IGF2BP2: variants seen among roughly 807,000 people sequenced by gnomAD.
IGF2BP2 encodes the protein insulin like growth factor 2 mRNA binding protein 2.
A neutral mutation model predicts 75.8 loss-of-function variants in IGF2BP2; 17 were observed. The observed-to-expected ratio is 0.22, with a 90% CI of 0.15 to 0.34. The LOEUF is 0.34. IGF2BP2 is among the 10% of genes least tolerant of loss of function. The probability of loss-of-function intolerance (pLI) is 1.00; values close to 1 mark genes in which losing one functional copy is unlikely to be tolerated. For missense variants in IGF2BP2, 516 were observed against 772.4 expected (o/e 0.67, Z 3.93); for synonymous variants, 288 against 295.6 (o/e 0.97, Z 0.26).
chr3:185,649,379 G>A, intron 14 of IGF2BP2, 24 bp downstream of exon 14: 2 of 1,611,006 alleles, frequency 1.2e-6, no homozygotes, highest in Admixed American at 1.7e-5. Context: ...CCCAGGTGAT[G>A]AAGCGAGCCC....
At chr3:185,801,543 G>C (rs1738275201) in intron 2 of IGF2BP2, among the ~76,000 whole-genome samples, 1 of 151,800 alleles carries the variant, frequency 6.6e-6, no homozygotes, top group Non-Finnish European at 1.5e-5. Context: ...CGAGGCTGTG[G>C]AGAAATAGGA....
intron 2 of IGF2BP2, chr3:185,722,116 T>TTTTG: frequency 3.0e-6 from 1 of 333,406 alleles, no homozygotes; most frequent in Non-Finnish European, 5.8e-6. Flanking sequence ...TTTTTTTTTG[T>TTTTG]AGAGAGAGTG....
chr3:185,767,771 T>C (rs926761743), intron 2 of IGF2BP2: 2 of 154,158 alleles, frequency 1.3e-5, no homozygotes, highest in East Asian at 3.8e-4. Context: ...TTGAAAATGA[T>C]TTCATGTACT....
At chr3:185,690,359 ATAT>A (rs1721782110) in intron 5 of IGF2BP2, among the ~76,000 whole-genome samples, 1 of 152,202 alleles carries the variant, frequency 6.6e-6, no homozygotes, top group Non-Finnish European at 1.5e-5. Context: ...AAATATAAAC[ATAT>A]TATTGCTTAT....
chr3:185,689,250 C>G (rs1345018017), intron 6 of IGF2BP2, 105 bp downstream of exon 6: 3 of 1,170,338 alleles, frequency 2.6e-6, no homozygotes, highest in African/African-American at 1.5e-5. Context: ...TACAGCACAG[C>G]CCCCCACTGC....
intron 2 of IGF2BP2, among the ~76,000 whole-genome samples, chr3:185,739,290 G>A (rs1377631027): frequency 1.3e-5 from 2 of 152,190 alleles, no homozygotes; most frequent in Admixed American, 1.3e-4. Context: ...CTAATCCTCA[G>A]TGTGTTTAAA....
chr3:185,789,011 C>G (rs774417664), intron 2 of IGF2BP2, among the ~76,000 whole-genome samples: 10 of 152,086 alleles, frequency 6.6e-5, no homozygotes, highest in Non-Finnish European at 1.5e-4. Flanking sequence ...CTGTGCCCAG[C>G]CTCATTCTAT....
chr3:185,664,602 G>A (rs1419728612), intron 10 of IGF2BP2, among the ~76,000 whole-genome samples: 1 of 152,174 alleles, frequency 6.6e-6, no homozygotes, highest in Non-Finnish European at 1.5e-5. Context: ...AGACTGCTAT[G>A]AGAAATGAAC....
intron 2 of IGF2BP2, among the ~76,000 whole-genome samples, chr3:185,784,159 C>T (rs986709460): frequency 5.9e-5 from 9 of 152,050 alleles, no homozygotes; most frequent in South Asian, 2.1e-4. Flanking sequence ...TGCTTGAACC[C>T]GGGAGACAGA....
chr3:185,680,176 T>C (rs889616918), intron 7 of IGF2BP2, among the ~76,000 whole-genome samples: 1 of 152,178 alleles, frequency 6.6e-6, no homozygotes. Flanking sequence ...TTATGAAGAA[T>C]TGTATGCCTA....
At chr3:185,811,764 G>A (rs1739860618) in intron 2 of IGF2BP2, among the ~76,000 whole-genome samples, 1 of 151,964 alleles carries the variant, frequency 6.6e-6, no homozygotes, top group Non-Finnish European at 1.5e-5. Flanking sequence ...ATGGGTCTCT[G>A]AAGGCCAGTC....
chr3:185,695,000 T>C (rs1054707675), intron 4 of IGF2BP2, among the ~76,000 whole-genome samples: 9 of 152,096 alleles, frequency 5.9e-5, no homozygotes, highest in African/African-American at 1.9e-4. Flanking sequence ...GGCACAAGAA[T>C]TGCTTGAACC....
chr3:185,643,189 C>A lies in IGF2BP2; in HGVS notation c.*2342G>T, dbSNP rs1712946076. On this transcript the variant is annotated 3_prime_UTR_variant, in exon 16 of 16. Coordinates refer to ENST00000382199, the MANE Select transcript of IGF2BP2 (RefSeq NM_006548.6). ...TTTACTGTGGTGGTCTGGAACTGAA[C>A]CTGCGACGTTCCTGAGGTATGCCTG... 6.6e-6 allele frequency among the ~76,000 whole-genome samples: 1 copy of A among 152,166 alleles called. No individual in the cohort carries two copies. The highest frequency in any genetic ancestry group is 2.4e-5 in the African/African-American group (1 of 41,430).
intron 2 of IGF2BP2, chr3:185,820,893 A>C: frequency 1.1e-6 from 1 of 890,250 alleles, no homozygotes; most frequent in Non-Finnish European, 1.6e-6. Flanking sequence ...CCACATATAG[A>C]ATTGACTTAA....
chr3:185,772,554 A>G (rs887845879), intron 2 of IGF2BP2, among the ~76,000 whole-genome samples: 7 of 147,774 alleles, frequency 4.7e-5, no homozygotes, highest in African/African-American at 1.7e-4. Flanking sequence ...TCCCTATACA[A>G]CTCCTTTTCT....
At chr3:185,773,311 T>A (rs372739294) in intron 2 of IGF2BP2, among the ~76,000 whole-genome samples, 1 of 152,230 alleles carries the variant, frequency 6.6e-6, no homozygotes, top group Non-Finnish European at 1.5e-5. Context: ...ATCACTATTA[T>A]AACACTATAG....
intron 2 of IGF2BP2, among the ~76,000 whole-genome samples, chr3:185,759,989 T>C (rs1578213563): frequency 1.3e-5 from 2 of 152,242 alleles, no homozygotes; most frequent in Non-Finnish European, 2.9e-5. Context: ...CCAGGTATCA[T>C]AGTATTTTAT....
At chr3:185,775,358 T>A (rs1180333809) in intron 2 of IGF2BP2, among the ~76,000 whole-genome samples, 1 of 152,188 alleles carries the variant, frequency 6.6e-6, no homozygotes, top group East Asian at 1.9e-4. Context: ...ACTTATGATA[T>A]CTTATATGTG....
At chr3:185,776,406 G>T (rs902050549) in intron 2 of IGF2BP2, among the ~76,000 whole-genome samples, 4 of 152,134 alleles carry the variant, frequency 2.6e-5, no homozygotes, top group Non-Finnish European at 5.9e-5. Flanking sequence ...GGATGTGAAG[G>T]ATCAGAAAAT....
Sources: allele counts gnomAD v4.1 joint callset (sites outside exome capture counted in the v4.1 genomes callset), GRCh38; gene constraint gnomAD v4.1.1; transcripts MANE v1.5; gene names NCBI Gene and HGNC (gene_info 2026-07-23, HGNC 2026-07-21).